UBE2D1: variants seen among roughly 807,000 people sequenced by gnomAD.
The protein encoded by UBE2D1 is ubiquitin conjugating enzyme E2 D1.
A neutral mutation model predicts 24.6 loss-of-function variants in UBE2D1; 9 were observed. The ratio of observed to expected loss-of-function variants is 0.37; its 90% confidence interval spans 0.22 to 0.64. The LOEUF is 0.64. Ranked by LOEUF, UBE2D1 falls within the 30% of genes least tolerant of loss-of-function variation. The probability of loss-of-function intolerance (pLI) is 0.64; values close to 1 mark genes in which losing one functional copy is unlikely to be tolerated. For missense variants in UBE2D1, 87 were observed against 177.1 expected, an observed-to-expected ratio of 0.49 and a Z score of 2.89; for synonymous variants, 57 against 57.6, an observed-to-expected ratio of 0.99 and a Z score of 0.04.
chr10:58,365,151 CT>C (rs1840241564), intron 5 of UBE2D1, among the ~76,000 whole-genome samples: 1 of 152,002 alleles, frequency 6.6e-6, no homozygotes, highest in Non-Finnish European at 1.5e-5. Flanking sequence ...ATATTTTATC[CT>C]TTTAGCTTGG....
intron 1 of UBE2D1, among the ~76,000 whole-genome samples, chr10:58,355,272 G>A (rs1840118988): frequency 6.6e-6 from 1 of 152,140 alleles, no homozygotes; most frequent in African/African-American, 2.4e-5. Flanking sequence ...TGTAGGTTTG[G>A]GACTAGATAA....
At chr10:58,335,319 A>G in intron 1 of UBE2D1, 94 bp downstream of exon 1, 3 of 1,319,510 alleles carry the variant, frequency 2.3e-6, no homozygotes, top group South Asian at 3.0e-5. Context: ...GGGGAGAGCA[A>G]GGGATGGAAG....
At chr10:58,366,007 A>G (rs1458669274) in intron 5 of UBE2D1, among the ~76,000 whole-genome samples, 2 of 152,216 alleles carry the variant, frequency 1.3e-5, no homozygotes, top group African/African-American at 4.8e-5. Context: ...ATGCTCATCT[A>G]CAGTATTCAT....
chr10:58,358,220 C>T (rs934960687), intron 1 of UBE2D1, among the ~76,000 whole-genome samples: 3 of 152,058 alleles, frequency 2.0e-5, no homozygotes, highest in African/African-American at 7.2e-5. Flanking sequence ...AAAATATGTA[C>T]ATGCAAGTCA....
At position 58,361,434 on chromosome 10, in the gene UBE2D1, C is replaced by T. The variant is rs750449501; in HGVS notation, c.88+33C>T. 3.1e-6 allele frequency: 5 copies of T among 1,614,132 alleles called. No homozygotes were observed. In the South Asian group the frequency reaches 5.5e-5, roughly 18 times the overall value. ...TTGCTCTATTTCTGGGATTATGCTACCTTTAAAAATATAGGTTTGAACATT... is the reference window on the plus strand; with the variant it reads ...TTGCTCTATTTCTGGGATTATGCTATCTTTAAAAATATAGGTTTGAACATT... On this transcript the variant is annotated intron_variant, in intron 2 of 6. Coordinates refer to ENST00000373910, the MANE Select transcript of UBE2D1 (RefSeq NM_003338.5).
intron 1 of UBE2D1, among the ~76,000 whole-genome samples, chr10:58,341,030 G>A (rs150845039): frequency 3.3e-4 from 51 of 152,250 alleles, no homozygotes; most frequent in African/African-American, 9.6e-4. Flanking sequence ...ATTGTGCTTC[G>A]CAAATCTCTG....
At chr10:58,353,191 C>G (rs780664704) in intron 1 of UBE2D1, among the ~76,000 whole-genome samples, 1 of 152,126 alleles carries the variant, frequency 6.6e-6, no homozygotes, top group Non-Finnish European at 1.5e-5. Flanking sequence ...TAATCTGATA[C>G]TATTGCATTA....
At chr10:58,358,575 G>A (rs1337300156) in intron 1 of UBE2D1, among the ~76,000 whole-genome samples, 1 of 152,038 alleles carries the variant, frequency 6.6e-6, no homozygotes, top group Non-Finnish European at 1.5e-5. Context: ...ATTTCACTTG[G>A]TTGTCATAGA....
chr10:58,368,815 T>C lies in UBE2D1; in HGVS notation c.*50T>C, dbSNP rs1840284721. The C allele has an allele frequency of 7.6e-7, 1 of 1,314,020 alleles. No homozygotes were observed. Among genetic ancestry groups the C allele is most frequent in the South Asian group, 1.4e-5 (1 of 72,174 alleles). The allele number at this position is 1,314,020 out of a possible 1,614,324, so 81.4% of individuals were successfully genotyped here. ...CCAGAGTACTGTAAAATCTAGGTTT[T>C]TTTCAACATTAGCAGTAAATTGAGC... On this transcript the variant is annotated 3_prime_UTR_variant, in exon 7 of 7. Transcript: ENST00000373910.
chr10:58,349,274 CAT>C (rs1840048198), intron 1 of UBE2D1, among the ~76,000 whole-genome samples: 1 of 152,042 alleles, frequency 6.6e-6, no homozygotes, highest in Non-Finnish European at 1.5e-5. Context: ...ATATTAATCA[CAT>C]TAGAATAGAA....
intron 1 of UBE2D1, among the ~76,000 whole-genome samples, chr10:58,357,487 G>T (rs1232948809): frequency 1.3e-5 from 2 of 152,000 alleles, no homozygotes; most frequent in South Asian, 2.1e-4. Flanking sequence ...AAAAAGTGGG[G>T]TTTTTGTTTG....
rs1284995919 is a variant in UBE2D1, at chr10:58,368,701, C to G, written c.399-19C>G. On this transcript the variant is annotated intron_variant, in intron 6 of 6. Transcript: ENST00000373910. Reference sequence around the variant, plus strand: ...TTAATTTTGTATGTTTTTACTATATCCTTTTTGTGTATCTACAGATACAAC... The same window carrying G: ...TTAATTTTGTATGTTTTTACTATATGCTTTTTGTGTATCTACAGATACAAC... 1 of 1,542,744 alleles carries G rather than the reference C, an allele frequency of 6.5e-7. No homozygotes were observed. Among genetic ancestry groups the G allele is most frequent in the South Asian group, 1.2e-5 (1 of 81,694 alleles).
At chr10:58,346,477 A>T (rs10509089) in intron 1 of UBE2D1, among the ~76,000 whole-genome samples, 6,686 of 152,278 alleles carry the variant, frequency 0.044, 271 homozygotes, top group African/African-American at 0.11. Flanking sequence ...GAAGGCAATG[A>T]TGTTTAAGAT....
intron 1 of UBE2D1, among the ~76,000 whole-genome samples, chr10:58,346,259 G>T (rs1043307992): frequency 2.0e-5 from 3 of 152,008 alleles, no homozygotes; most frequent in Admixed American, 6.6e-5. Flanking sequence ...TGATCTGCCC[G>T]CCTCAGACTC....
chr10:58,352,913 T>C (rs1840092705), intron 1 of UBE2D1, among the ~76,000 whole-genome samples: 1 of 152,188 alleles, frequency 6.6e-6, no homozygotes, highest in Non-Finnish European at 1.5e-5. Context: ...CTTTCCAGGG[T>C]TCCCTGCAGT....
At chr10:58,354,763 T>C (rs1464181146) in intron 1 of UBE2D1, among the ~76,000 whole-genome samples, 1 of 151,998 alleles carries the variant, frequency 6.6e-6, no homozygotes, top group Non-Finnish European at 1.5e-5. Flanking sequence ...TGAACCTGGG[T>C]GGTGGAGGTT....
At chr10:58,343,396 G>A (rs1234825944) in intron 1 of UBE2D1, among the ~76,000 whole-genome samples, 1 of 152,146 alleles carries the variant, frequency 6.6e-6, no homozygotes, top group Non-Finnish European at 1.5e-5. Flanking sequence ...TTTAGTGTGT[G>A]TGTGTGTACT....
chr10:58,360,801 C>T (rs1482493761), intron 1 of UBE2D1: 1 of 312,882 alleles, frequency 3.2e-6, no homozygotes, highest in Admixed American at 3.9e-5. Flanking sequence ...GTAGTGCCAG[C>T]TACTCGGGGT....
At chr10:58,345,011 T>G (rs1389156183) in intron 1 of UBE2D1, among the ~76,000 whole-genome samples, 1 of 151,948 alleles carries the variant, frequency 6.6e-6, no homozygotes, top group African/African-American at 2.4e-5. Context: ...TCTACAGGTG[T>G]GCACTACCAT....
Sources: allele counts gnomAD v4.1 joint callset (sites outside exome capture counted in the v4.1 genomes callset), GRCh38; gene constraint gnomAD v4.1.1; transcripts MANE v1.5; gene names NCBI Gene and HGNC (gene_info 2026-07-23, HGNC 2026-07-21).